Variants in WNK1 observed in about 807,000 individuals in gnomAD.
WNK1 encodes serine/threonine-protein kinase WNK1.
A neutral mutation model predicts 222.8 loss-of-function variants in WNK1; 38 were observed. The observed-to-expected ratio is 0.17, with a 90% CI of 0.13 to 0.22. The LOEUF is 0.22. Among genes scored for constraint, WNK1 ranks in the 10% least tolerant of loss-of-function variants. The pLI, the probability that WNK1 is intolerant of heterozygous loss-of-function variation, is 1.00. For missense variants in WNK1, 2,348 were observed against 2,918.4 expected, an observed-to-expected ratio of 0.80 and a Z score of 4.50; for synonymous variants, 1,090 against 1,092.9, an observed-to-expected ratio of 1.00 and a Z score of 0.05.
At chr12:893,476 G>T (rs1015575049) in intron 22 of WNK1, among the ~76,000 whole-genome samples, 3 of 152,080 alleles carry the variant, frequency 2.0e-5, no homozygotes, top group African/African-American at 7.2e-5. Context: ...TATATCTCTA[G>T]AAAGAAACTC....
chr12:882,648 T>C (rs944973298), intron 14 of WNK1, among the ~76,000 whole-genome samples: 3 of 152,234 alleles, frequency 2.0e-5, no homozygotes, highest in Non-Finnish European at 4.4e-5. Context: ...GATGAATGTA[T>C]AGGATCTTAT....
intron 2 of WNK1, among the ~76,000 whole-genome samples, chr12:814,652 G>A (rs554478971): frequency 1.7e-4 from 26 of 152,222 alleles, no homozygotes; most frequent in African/African-American, 6.3e-4. Flanking sequence ...GTATGCCTTT[G>A]TAATCCCAGG....
In WNK1 at chr12:809,884, G is replaced by T. The variant is rs996370840; in HGVS notation, c.760-3758G>T. On this transcript the variant is annotated intron_variant, in intron 1 of 27. Transcript: ENST00000315939. ...GCCCTGGAAAGCAATGTTACAAACT[G>T]CTGTACCCTCTGCCTGAAGACAAGT... Among the ~76,000 whole-genome samples, 10 of 152,250 alleles carry T rather than the reference G, an allele frequency of 6.6e-5. No individual in the cohort carries two copies. The East Asian group carries it at 1.9e-3, about 29-fold the overall frequency.
intron 1 of WNK1, among the ~76,000 whole-genome samples, chr12:755,949 T>G (rs2121192733): frequency 6.6e-6 from 1 of 152,348 alleles, no homozygotes; most frequent in East Asian, 1.9e-4. Flanking sequence ...CACTGCAGCG[T>G]GGTGACAGAG....
At chr12:845,286 T>C (rs1949950582) in intron 4 of WNK1, among the ~76,000 whole-genome samples, 1 of 152,194 alleles carries the variant, frequency 6.6e-6, no homozygotes, top group Admixed American at 6.5e-5. Context: ...TGCTTAACTA[T>C]TGCATACTTA....
rs200176402 is a variant in WNK1, at chr12:870,575, T to G, written c.2140-690T>G. Reference sequence around the variant, plus strand: ...ACACTGTAGTTGGGGTTTCTCAGACTCAACACTGTTGACATCTGAGGTTGG... The same window carrying G: ...ACACTGTAGTTGGGGTTTCTCAGACGCAACACTGTTGACATCTGAGGTTGG... On this transcript the variant is annotated intron_variant, in intron 8 of 27. Coordinates refer to ENST00000315939, the MANE Select transcript of WNK1 (RefSeq NM_018979.4). Among the ~76,000 whole-genome samples, 36 of 152,338 alleles carry G rather than the reference T, an allele frequency of 2.4e-4. No homozygotes were observed. The East Asian group carries it at 6.7e-3, about 29-fold the overall frequency.
At position 887,640 on chromosome 12, in the gene WNK1, A is replaced by G. The variant is rs150193440; in HGVS notation, c.5364+336A>G. 2.6e-5 allele frequency among the ~76,000 whole-genome samples: 4 copies of G among 152,330 alleles called. No individual in the cohort carries two copies. In the East Asian group the frequency reaches 5.8e-4, roughly 22 times the overall value. On this transcript the variant is annotated intron_variant, in intron 20 of 27. Transcript: ENST00000315939. Reference sequence around the variant, plus strand: ...TCTGTAGAATAGCGAAATTGCGTATATAATCAAAATTAACTTTGAGAGTGC... The same window carrying G: ...TCTGTAGAATAGCGAAATTGCGTATGTAATCAAAATTAACTTTGAGAGTGC...
At position 763,195 on chromosome 12, in the gene WNK1, G is replaced by A. The variant is rs1170712140; in HGVS notation, c.759+8871G>A. On this transcript the variant is annotated intron_variant, in intron 1 of 27. Coordinates refer to ENST00000315939, the MANE Select transcript of WNK1 (RefSeq NM_018979.4). ...TAAGTGACTAAAGGACGAGATGGGT[G>A]GGTGGCATTAACAGTGTGAATATGC... 2.0e-5 allele frequency among the ~76,000 whole-genome samples: 3 copies of A among 147,536 alleles called. 1 individual carries two copies. The South Asian group carries it at 6.7e-4, about 33-fold the overall frequency.
chr12:845,174 C>T (rs901252229), intron 4 of WNK1, among the ~76,000 whole-genome samples: 14 of 152,192 alleles, frequency 9.2e-5, no homozygotes, highest in African/African-American at 2.9e-4. Flanking sequence ...GGATTACAGG[C>T]GTGAGCCACC....
rs1268716047 is a variant in WNK1 at position 865,301 on chromosome 12, T to C, written c.2139+3031T>C. 4 of 1,536,146 alleles carry C rather than the reference T, an allele frequency of 2.6e-6. No individual in the cohort carries two copies. The East Asian group carries it at 9.8e-5, about 38-fold the overall frequency. ...CTAAAGCATTGGAGAGTGTCCTGCC[T>C]ATGCACTCTGCCTCTCAGCGCAAGC... On this transcript the variant is annotated intron_variant, in intron 8 of 27. Transcript: ENST00000315939.
At position 880,020 on chromosome 12, in the gene WNK1, G is replaced by A; in HGVS notation, c.2821G>A (p.Val941Ile). Reference sequence around the variant, plus strand: ...TGAGGTTCCACTTTCCTCTGGAGATGTTCTGTACCAGGTATTGTGTTAGTT... The same window carrying A: ...TGAGGTTCCACTTTCCTCTGGAGATATTCTGTACCAGGTATTGTGTTAGTT... ...AAEVPLSSGD[V>I]LYQGFPPRLP... The change falls in exon 11 of 28, where the codon GTT becomes ATT. Residue 941 changes from valine (V) to isoleucine (I), a missense_variant. Transcript: ENST00000315939. 1.9e-6 allele frequency: 3 copies of A among 1,614,094 alleles called. No homozygotes were observed. Among genetic ancestry groups the A allele is most frequent in the Non-Finnish European group, 2.5e-6 (3 of 1,180,020 alleles).
At chr12:835,357 CCA>C (rs141535814) in intron 4 of WNK1, among the ~76,000 whole-genome samples, 4,124 of 151,988 alleles carry the variant, frequency 0.027, 104 homozygotes, top group Non-Finnish European at 0.041. Flanking sequence ...ACAAAAAAAC[CCA>C]CAATAGCTTA....
At chr12:877,000 GA>G (rs1377971890) in intron 9 of WNK1, among the ~76,000 whole-genome samples, 2 of 137,254 alleles carry the variant, frequency 1.5e-5, no homozygotes, top group African/African-American at 2.7e-5. Flanking sequence ...TTGTATTAAA[GA>G]AAAAATATAA....
At chr12:805,866 A>AT (rs1393533847) in intron 1 of WNK1, among the ~76,000 whole-genome samples, 1 of 152,188 alleles carries the variant, frequency 6.6e-6, no homozygotes, top group East Asian at 1.9e-4. Context: ...ACATATATTT[A>AT]TTTTTAATTA....
chr12:842,527 T>C (rs1949705815), intron 4 of WNK1, among the ~76,000 whole-genome samples: 1 of 152,188 alleles, frequency 6.6e-6, no homozygotes, highest in African/African-American at 2.4e-5. Context: ...ATTTTTACCC[T>C]ATAATTACTA....
Position 887,205 on chromosome 12 carries a change from C to T in WNK1, c.5281-16C>T. 6.2e-7 allele frequency: 1 copy of T among 1,613,840 alleles called. No homozygotes were observed. The highest frequency in any genetic ancestry group is 8.5e-7 in the Non-Finnish European group (1 of 1,179,792). The stretch of plus-strand genomic sequence containing the variant: ...TTAGCGTCTCACGGACTTGATTTTC[C>T]CTTTGTTGTCTGTAGGTGCTGCCAG... On this transcript the variant is annotated splice_polypyrimidine_tract_variant and intron_variant, in intron 19 of 27. Transcript: ENST00000315939.
At chr12:871,488 C>A in intron 9 of WNK1, 140 bp downstream of exon 9, 13 of 784,998 alleles carry the variant, frequency 1.7e-5, no homozygotes, top group Admixed American at 1.3e-4. Context: ...TGTTCAGTAA[C>A]AAAGAAAAAA....
intron 4 of WNK1, among the ~76,000 whole-genome samples, chr12:844,988 C>T (rs1044480805): frequency 1.6e-4 from 23 of 147,074 alleles, no homozygotes; most frequent in Non-Finnish European, 2.4e-4. Context: ...CTCCGCCTCC[C>T]GGGTTCACGC....
At chr12:789,915 C>T (rs1303603543) in intron 1 of WNK1, among the ~76,000 whole-genome samples, 1 of 152,204 alleles carries the variant, frequency 6.6e-6, no homozygotes, top group East Asian at 1.9e-4. Flanking sequence ...AACAATGCTT[C>T]ATATCTTACT....
Sources: allele counts gnomAD v4.1 joint callset (sites outside exome capture counted in the v4.1 genomes callset), GRCh38; gene constraint gnomAD v4.1.1; transcripts MANE v1.5; gene names NCBI Gene and HGNC (gene_info 2026-07-23, HGNC 2026-07-21).